The following GLIS3 variants were observed in gnomAD, a reference collection of about 807,000 sequenced individuals.
GLIS3 encodes the protein zinc finger protein GLIS3.
A neutral mutation model predicts 78.6 loss-of-function variants in GLIS3; 53 were observed. The observed-to-expected ratio is 0.67, with a 90% CI of 0.54 to 0.85. The LOEUF is 0.85. GLIS3 is among the 40% of genes least tolerant of loss of function. The pLI, the probability that GLIS3 is intolerant of heterozygous loss-of-function variation, is 0.00. For missense variants in GLIS3, 1,703 were observed against 1,231.1 expected (o/e 1.38, Z -5.74); for synonymous variants, 684 against 509.9 (o/e 1.34, Z -4.60).
At chr9:3,913,927 A>G (rs377715419) in intron 6 of GLIS3, among the ~76,000 whole-genome samples, 76 of 152,302 alleles carry the variant, frequency 5.0e-4, no homozygotes, top group African/African-American at 1.8e-3. Flanking sequence ...TGAATGAATG[A>G]CAAATGAGCC....
intron 2 of GLIS3, among the ~76,000 whole-genome samples, chr9:4,143,475 G>T (rs1245558691): frequency 1.3e-5 from 2 of 151,864 alleles, no homozygotes; most frequent in African/African-American, 4.8e-5. Flanking sequence ...GCTGAGGCAG[G>T]AGAATTGCTT....
At chr9:4,429,517 T>C in the GLIS3 span, among the ~76,000 whole-genome samples, 310 of 152,330 alleles carry the variant, frequency 2.0e-3, 2 homozygotes, top group Non-Finnish European at 4.0e-3. Context: ...CACAAGAGCC[T>C]TGTCTGACCC....
intron 4 of GLIS3, among the ~76,000 whole-genome samples, chr9:4,025,127 C>A (rs1403399841): frequency 6.6e-6 from 1 of 152,042 alleles, no homozygotes; most frequent in Non-Finnish European, 1.5e-5. Flanking sequence ...TGGTGCACAC[C>A]TGTAATCCTC....
intron 4 of GLIS3, among the ~76,000 whole-genome samples, chr9:4,062,877 T>C (rs1013708417): frequency 2.6e-5 from 4 of 151,012 alleles, no homozygotes; most frequent in East Asian, 1.9e-4. Flanking sequence ...TGCAGTGAGC[T>C]GAGATCATGC....
chr9:3,953,764 T>G (rs778604346), intron 4 of GLIS3, among the ~76,000 whole-genome samples: 188 of 49,754 alleles, frequency 3.8e-3, no homozygotes, highest in Middle Eastern at 0.029. Flanking sequence ...AGATTTGCTC[T>G]CTCTCTCTCT....
intron 1 of GLIS3, among the ~76,000 whole-genome samples, chr9:4,347,917 A>G (rs1490378721): frequency 3.3e-5 from 5 of 152,336 alleles, no homozygotes; most frequent in Non-Finnish European, 5.9e-5. Flanking sequence ...TTTTAGCCAC[A>G]CATTTAGGAT....
the GLIS3 span, among the ~76,000 whole-genome samples, chr9:4,445,138 G>T: frequency 6.6e-6 from 1 of 152,110 alleles, no homozygotes; most frequent in East Asian, 1.9e-4. Context: ...GGGAGAGAAG[G>T]CACAGGATTT....
chr9:4,350,730 G>A (rs905187910), upstream of GLIS3, among the ~76,000 whole-genome samples: 2 of 152,166 alleles, frequency 1.3e-5, no homozygotes, highest in African/African-American at 4.8e-5. Context: ...TGGGATTGAT[G>A]TGTCTCTGCT....
At chr9:4,371,799 G>T in the GLIS3 span, among the ~76,000 whole-genome samples, 1 of 152,280 alleles carries the variant, frequency 6.6e-6, no homozygotes, top group South Asian at 2.1e-4. Flanking sequence ...AAAATCCTTA[G>T]CCTGGCTCCA....
the GLIS3 span, among the ~76,000 whole-genome samples, chr9:4,457,101 A>G: frequency 5.9e-5 from 9 of 152,146 alleles, no homozygotes; most frequent in African/African-American, 2.2e-4. Flanking sequence ...GATGGCTCAA[A>G]GCTATAATCT....
intron 2 of GLIS3, among the ~76,000 whole-genome samples, chr9:4,265,936 G>GCTTT (rs56341848): frequency 1.3e-5 from 2 of 149,032 alleles, no homozygotes; most frequent in African/African-American, 2.5e-5. Context: ...TTGTTTGTTT[G>GCTTT]GAGACGGAGT....
At chr9:4,433,184 C>A in the GLIS3 span, among the ~76,000 whole-genome samples, 1 of 152,210 alleles carries the variant, frequency 6.6e-6, no homozygotes, top group Non-Finnish European at 1.5e-5. Flanking sequence ...GTAATCCCAA[C>A]ACTTTGGGAA....
chr9:3,830,131 G>T (rs1017087280), intron 9 of GLIS3, among the ~76,000 whole-genome samples: 1 of 151,974 alleles, frequency 6.6e-6, no homozygotes, highest in Admixed American at 6.6e-5. Context: ...CTCCAAAAAA[G>T]AAAAAATATG....
chr9:4,004,874 T>C (rs947311906), intron 4 of GLIS3, among the ~76,000 whole-genome samples: 13 of 152,180 alleles, frequency 8.5e-5, no homozygotes, highest in African/African-American at 2.9e-4. Context: ...TATATTTGAG[T>C]CTTGGCTCTA....
chr9:4,135,353 C>CT (rs1377321220), intron 2 of GLIS3, among the ~76,000 whole-genome samples: 4 of 152,128 alleles, frequency 2.6e-5, no homozygotes, highest in African/African-American at 9.7e-5. Flanking sequence ...GTAATGAACT[C>CT]TAACAGGTGA....
At position 3,937,018 on chromosome 9, in the gene GLIS3, C is replaced by T. The variant is rs781552853; in HGVS notation, c.1872+10G>A. 2.5e-6 allele frequency: 4 copies of T among 1,612,330 alleles called. No homozygotes were observed. In the African/African-American group the frequency reaches 4.0e-5, roughly 16 times the overall value. ...TGGGTTGGAAACTGGAAAGCTCCTG[C>T]CATTCTTACGGTGTCCAGATGCGTC... On this transcript the variant is annotated intron_variant, in intron 5 of 10. Coordinates refer to ENST00000381971, the MANE Select transcript of GLIS3 (RefSeq NM_001042413.2).
intron 6 of GLIS3, among the ~76,000 whole-genome samples, chr9:3,903,387 G>A (rs138339393): frequency 3.3e-5 from 5 of 152,200 alleles, no homozygotes; most frequent in African/African-American, 1.2e-4. Flanking sequence ...ACTGCTCTTT[G>A]CGGAGAAAAG....
chr9:3,883,488 T>C (rs887407895), intron 7 of GLIS3, among the ~76,000 whole-genome samples: 4 of 152,242 alleles, frequency 2.6e-5, no homozygotes, highest in African/African-American at 9.6e-5. Context: ...AGTAAAACTG[T>C]AATGTCATTC....
chr9:4,039,514 A>G lies in GLIS3; in HGVS notation c.1710+78254T>C, dbSNP rs16920475. 9.5e-3 allele frequency among the ~76,000 whole-genome samples: 1,453 copies of G among 152,210 alleles called. 24 individuals carry two copies. The highest frequency in any genetic ancestry group is 0.033 in the African/African-American group (1,383 of 41,524). On this transcript the variant is annotated intron_variant, in intron 4 of 10. Coordinates refer to ENST00000381971, the MANE Select transcript of GLIS3 (RefSeq NM_001042413.2). ...CCACAAAATACAAAACTTCACAAAC[A>G]CAGGACGGCAGCCTCAAAAAGGAGC...
Sources: allele counts gnomAD v4.1 joint callset (sites outside exome capture counted in the v4.1 genomes callset), GRCh38; gene constraint gnomAD v4.1.1; transcripts MANE v1.5; gene names NCBI Gene and HGNC (gene_info 2026-07-23, HGNC 2026-07-21).